Variants in PRKCE observed in about 807,000 individuals in gnomAD.
PRKCE encodes the protein protein kinase C epsilon type.
In PRKCE, 16 loss-of-function variants were observed where a neutral mutation model predicts 85.4. The ratio of observed to expected loss-of-function variants is 0.19; its 90% CI spans 0.13 to 0.28. The LOEUF is 0.28. PRKCE is among the 10% of genes least tolerant of loss of function. The pLI is 1.00. For synonymous variants in PRKCE, 388 were observed against 371.5 expected, an observed-to-expected ratio of 1.04 and a Z score of -0.51; for missense variants, 573 against 975.2, an observed-to-expected ratio of 0.59 and a Z score of 5.49.
intron 1 of PRKCE, among the ~76,000 whole-genome samples, chr2:45,794,320 C>A (rs1017628207): frequency 1.3e-5 from 2 of 152,224 alleles, no homozygotes; most frequent in Non-Finnish European, 2.9e-5. Flanking sequence ...GAGTGGCGCA[C>A]TCTGGGCTGG....
chr2:45,804,580 G>A (rs555858094), intron 1 of PRKCE, among the ~76,000 whole-genome samples: 1 of 152,322 alleles, frequency 6.6e-6, no homozygotes, highest in East Asian at 1.9e-4. Context: ...TCTACAGGCT[G>A]TTCTAGAAAG....
intron 1 of PRKCE, among the ~76,000 whole-genome samples, chr2:45,733,873 C>T (rs1001307582): frequency 6.6e-5 from 10 of 152,218 alleles, no homozygotes; most frequent in African/African-American, 2.4e-4. Context: ...CCCCTGCCTT[C>T]TCAGAACAAC....
At chr2:46,092,494 C>T (rs1670266613) in intron 11 of PRKCE, among the ~76,000 whole-genome samples, 1 of 152,156 alleles carries the variant, frequency 6.6e-6, no homozygotes, top group Non-Finnish European at 1.5e-5. Context: ...TTCTTCTGTA[C>T]TCAGGAGGTA....
chr2:46,042,880 A>C (rs1428713465), intron 10 of PRKCE, among the ~76,000 whole-genome samples: 2 of 152,210 alleles, frequency 1.3e-5, no homozygotes. Context: ...ATTGCCACGC[A>C]ATGTTCTTGT....
At chr2:45,879,549 A>T (rs1333470594) in intron 2 of PRKCE, among the ~76,000 whole-genome samples, 1 of 152,072 alleles carries the variant, frequency 6.6e-6, no homozygotes, top group African/African-American at 2.4e-5. Flanking sequence ...GTAACACATG[A>T]CCTCTGGGGC....
intron 2 of PRKCE, among the ~76,000 whole-genome samples, chr2:45,938,448 A>T (rs1164768068): frequency 2.6e-5 from 4 of 152,176 alleles, no homozygotes; most frequent in Non-Finnish European, 5.9e-5. Context: ...CTTGGAACCT[A>T]CATCCTCCCT....
At chr2:45,714,801 G>A (rs1679953361) in intron 1 of PRKCE, among the ~76,000 whole-genome samples, 1 of 152,210 alleles carries the variant, frequency 6.6e-6, no homozygotes, top group South Asian at 2.1e-4. Context: ...AATCTCCTTA[G>A]CATTCTTGGA....
At position 45,853,478 on chromosome 2, in the gene PRKCE, T is replaced by G. The variant is rs866410822; in HGVS notation, c.412+10415T>G. On this transcript the variant is annotated intron_variant, in intron 2 of 14. Transcript: ENST00000306156. ...AATTTGATCCCACTGTGCTAATTTT[T>G]TCCTGGTTCCTGGGGCTTTAATTAA... Among the ~76,000 whole-genome samples, 3 of 152,334 alleles carry G rather than the reference T, an allele frequency of 2.0e-5. No individual in the cohort carries two copies. In the South Asian group the frequency reaches 6.2e-4, roughly 32 times the overall value.
At chr2:45,787,608 A>T (rs1157323931) in intron 1 of PRKCE, among the ~76,000 whole-genome samples, 1 of 152,226 alleles carries the variant, frequency 6.6e-6, no homozygotes. Context: ...AAGCCCTTCA[A>T]CCAGGGGTAT....
chr2:45,733,150 T>G (rs1681734825), intron 1 of PRKCE, among the ~76,000 whole-genome samples: 1 of 152,242 alleles, frequency 6.6e-6, no homozygotes, highest in Non-Finnish European at 1.5e-5. Flanking sequence ...AGTTTACTCC[T>G]CTCTCAGAAG....
intron 2 of PRKCE, among the ~76,000 whole-genome samples, chr2:45,904,479 A>G (rs1419844390): frequency 1.3e-5 from 2 of 152,094 alleles, no homozygotes; most frequent in Middle Eastern, 3.2e-3. Context: ...AAATGAAACA[A>G]TGGTTTAAAA....
At chr2:45,668,309 C>T (rs1676009679) in intron 1 of PRKCE, among the ~76,000 whole-genome samples, 1 of 152,206 alleles carries the variant, frequency 6.6e-6, no homozygotes, top group South Asian at 2.1e-4. Flanking sequence ...CAATGCACTC[C>T]AGCCTGGGTG....
At chr2:46,162,625 G>A (rs1677892011) in intron 14 of PRKCE, among the ~76,000 whole-genome samples, 2 of 152,174 alleles carry the variant, frequency 1.3e-5, no homozygotes, top group South Asian at 2.1e-4. Flanking sequence ...TCTGGAAAAA[G>A]GAAGGCTAAA....
intron 2 of PRKCE, among the ~76,000 whole-genome samples, chr2:45,868,157 C>A (rs1052835630): frequency 1.4e-5 from 2 of 144,106 alleles, no homozygotes; most frequent in Non-Finnish European, 3.0e-5. Flanking sequence ...AACAAACAAA[C>A]AAAAAACAAA....
At chr2:46,112,652 TG>T (rs1672384788) in intron 11 of PRKCE, among the ~76,000 whole-genome samples, 1 of 152,040 alleles carries the variant, frequency 6.6e-6, no homozygotes, top group Non-Finnish European at 1.5e-5. Context: ...CCCAAGTAGC[TG>T]GGATTACAGG....
At chr2:46,130,447 T>A (rs1164823430) in intron 11 of PRKCE, among the ~76,000 whole-genome samples, 1 of 152,184 alleles carries the variant, frequency 6.6e-6, no homozygotes, top group South Asian at 2.1e-4. Context: ...ACGTTGAGAG[T>A]TACATGTTGT....
At chr2:46,090,772 A>G (rs983676357) in intron 11 of PRKCE, among the ~76,000 whole-genome samples, 3 of 135,724 alleles carry the variant, frequency 2.2e-5, no homozygotes, top group African/African-American at 5.6e-5. Flanking sequence ...GGAGGTCTAT[A>G]TGAGGTTGAT....
At chr2:45,702,693 T>TC (rs1345317072) in intron 1 of PRKCE, among the ~76,000 whole-genome samples, 4 of 151,990 alleles carry the variant, frequency 2.6e-5, no homozygotes, top group Non-Finnish European at 5.9e-5. Flanking sequence ...TTCTTTTTTT[T>TC]CCCCCAAAAT....
chr2:46,140,206 A>T (rs866608342), intron 11 of PRKCE, among the ~76,000 whole-genome samples: 2 of 152,218 alleles, frequency 1.3e-5, no homozygotes, highest in African/African-American at 4.8e-5. Flanking sequence ...AAATGATTCT[A>T]AAGTTCATAT....
Sources: allele counts gnomAD v4.1 joint callset (sites outside exome capture counted in the v4.1 genomes callset), GRCh38; gene constraint gnomAD v4.1.1; transcripts MANE v1.5; gene names NCBI Gene and HGNC (gene_info 2026-07-23, HGNC 2026-07-21).